The following ANK3 variants were observed in gnomAD, a reference collection of about 807,000 sequenced individuals.
The protein encoded by ANK3 is ankyrin-3.
ANK3 carries 57 observed loss-of-function variants against 370.9 expected under a neutral mutation model. The observed-to-expected ratio is 0.15, with a 90% confidence interval of 0.12 to 0.19. ANK3 has a LOEUF of 0.19. ANK3 is among the 10% of genes least tolerant of loss of function. The pLI is 1.00. For missense variants in ANK3, 4,439 were observed against 5,302.1 expected, an observed-to-expected ratio of 0.84 and a Z score of 5.06; for synonymous variants, 1,929 against 1,946.3, an observed-to-expected ratio of 0.99 and a Z score of 0.23.
intron 7 of ANK3, among the ~76,000 whole-genome samples, chr10:60,244,420 T>A (rs897952492): frequency 2.6e-5 from 4 of 152,192 alleles, no homozygotes; most frequent in Non-Finnish European, 4.4e-5. Flanking sequence ...TTCCTTGACA[T>A]GCTCCCACTG....
intron 2 of ANK3, among the ~76,000 whole-genome samples, chr10:60,395,505 G>A (rs1248516163): frequency 1.3e-5 from 2 of 151,830 alleles, no homozygotes; most frequent in Non-Finnish European, 2.9e-5. Flanking sequence ...GAAGGCAGGT[G>A]TTTCATCAAA....
chr10:60,447,232 G>A (rs2064472126), intron 2 of ANK3, among the ~76,000 whole-genome samples: 1 of 152,108 alleles, frequency 6.6e-6, no homozygotes, highest in African/African-American at 2.4e-5. Context: ...AGAAAAATGA[G>A]GAATTTCATT....
At chr10:60,616,439 G>A (rs1244971844) in intron 1 of ANK3, among the ~76,000 whole-genome samples, 1 of 152,062 alleles carries the variant, frequency 6.6e-6, no homozygotes. Flanking sequence ...CACATATACA[G>A]TGTTTTAAAC....
intron 1 of ANK3, among the ~76,000 whole-genome samples, chr10:60,380,598 T>G (rs930749892): frequency 6.6e-6 from 1 of 152,188 alleles, no homozygotes; most frequent in Non-Finnish European, 1.5e-5. Flanking sequence ...TGTGGTAGAA[T>G]GCCTGGCCCA....
At chr10:60,269,742 T>A (rs2097939115) in intron 5 of ANK3, among the ~76,000 whole-genome samples, 1 of 148,852 alleles carries the variant, frequency 6.7e-6, no homozygotes, top group Non-Finnish European at 1.5e-5. Context: ...TATAATTAGG[T>A]AAACTTAAAT....
intron 2 of ANK3, among the ~76,000 whole-genome samples, chr10:60,600,671 G>A (rs1245184476): frequency 2.0e-5 from 3 of 152,044 alleles, no homozygotes; most frequent in African/African-American, 7.2e-5. Flanking sequence ...TAAATAATCT[G>A]CTAATTGAAT....
chr10:60,492,732 AG>A, intron 2 of ANK3, among the ~76,000 whole-genome samples: 2 of 140,908 alleles, frequency 1.4e-5, no homozygotes, highest in African/African-American at 5.4e-5. Context: ...AAAGAAAGAA[AG>A]AAAGAAAAAA....
chr10:60,519,867 G>C (rs1355057390), intron 2 of ANK3, among the ~76,000 whole-genome samples: 2 of 152,156 alleles, frequency 1.3e-5, no homozygotes, highest in Non-Finnish European at 2.9e-5. Flanking sequence ...GTTTGTATAT[G>C]TGTGCGTATA....
chr10:60,126,653 A>C (rs1590399791), intron 25 of ANK3, among the ~76,000 whole-genome samples: 1 of 151,402 alleles, frequency 6.6e-6, no homozygotes, highest in Non-Finnish European at 1.5e-5. Context: ...ATGCCACTGC[A>C]CTCCAGCCTG....
At chr10:60,384,928 T>C (rs1455140247) in intron 1 of ANK3, among the ~76,000 whole-genome samples, 1 of 152,096 alleles carries the variant, frequency 6.6e-6, no homozygotes, top group South Asian at 2.1e-4. Flanking sequence ...ACACCCCCTC[T>C]CCACTGGCAT....
intron 2 of ANK3, among the ~76,000 whole-genome samples, chr10:60,399,368 T>G (rs1358633244): frequency 1.3e-5 from 2 of 152,284 alleles, no homozygotes; most frequent in East Asian, 3.9e-4. Flanking sequence ...CTTGTTCCCC[T>G]TCTCTCACCC....
chr10:60,525,519 G>T (rs1161295522), intron 2 of ANK3, among the ~76,000 whole-genome samples: 1 of 152,128 alleles, frequency 6.6e-6, no homozygotes, highest in Non-Finnish European at 1.5e-5. Context: ...AAGATATTAA[G>T]TACTTGCTGA....
At position 60,084,624 on chromosome 10, in the gene ANK3, A is replaced by G. The variant is rs1057523750; in HGVS notation, c.4052T>C (p.Val1351Ala). 11 of 1,613,834 alleles carry G rather than the reference A, an allele frequency of 6.8e-6. No individual in the cohort carries two copies. Among genetic ancestry groups the G allele is most frequent in the African/African-American group, 1.3e-5 (1 of 74,920 alleles). ...TLEQQENFEE[V>A]ARSKDIEVLE... is the part of the protein sequence containing the mutation. ...TACCTCAATATCTTTGCTTCTTGCG[A>G]CTTCCTCAAAATTCTCTTGTTGCTC... Residue 1351 changes from valine to alanine, a missense_variant, in exon 32 of 44, where the codon GTC becomes GCC. Physicochemically the swap from Val to Ala is moderately conservative, Grantham distance 64. This residue lies in a region of ANK3 where 702 missense variants were observed against 941.5 expected (regional missense o/e 0.75). Transcript: ENST00000280772.
At chr10:60,511,521 AAAAT>A (rs1219732084) in intron 2 of ANK3, among the ~76,000 whole-genome samples, 1 of 152,188 alleles carries the variant, frequency 6.6e-6, no homozygotes, top group African/African-American at 2.4e-5. Context: ...GGCTAGAGAT[AAAAT>A]AAATACTTAA....
chr10:60,575,969 A>G (rs1358311436), intron 2 of ANK3, among the ~76,000 whole-genome samples: 3 of 152,186 alleles, frequency 2.0e-5, no homozygotes, highest in Admixed American at 6.5e-5. Context: ...TGTGTAAAAG[A>G]GTAATTTGAT....
intron 2 of ANK3, among the ~76,000 whole-genome samples, chr10:60,463,679 T>TAA (rs11374773): frequency 0.066 from 9,674 of 146,204 alleles, 375 homozygotes; most frequent in South Asian, 0.16. Flanking sequence ...CAATCTTGCT[T>TAA]AAAAAAAAAA....
At chr10:60,708,891 A>G (rs1390341103) in intron 1 of ANK3, among the ~76,000 whole-genome samples, 1 of 152,192 alleles carries the variant, frequency 6.6e-6, no homozygotes, top group Admixed American at 6.5e-5. Context: ...GTCTCTAAGG[A>G]AACCTCAAAG....
intron 1 of ANK3, among the ~76,000 whole-genome samples, chr10:60,384,668 C>T (rs2062010175): frequency 6.6e-6 from 1 of 152,174 alleles, no homozygotes; most frequent in Non-Finnish European, 1.5e-5. Context: ...ACTTTCTCTT[C>T]TCAAAGGGTT....
chr10:60,054,629 C>T (rs934272877), intron 42 of ANK3, among the ~76,000 whole-genome samples: 10 of 152,188 alleles, frequency 6.6e-5, no homozygotes, highest in Non-Finnish European at 1.2e-4. Flanking sequence ...GATGTGATTA[C>T]TGATAAGCTG....
Sources: gnomAD v4.1 joint callset for allele counts (sites outside exome capture counted in the v4.1 genomes callset) on GRCh38, gnomAD v4.1.1 for gene constraint, gnomAD v4.1.1 regional missense constraint, MANE v1.5 for transcripts, NCBI Gene and HGNC (gene_info 2026-07-23, HGNC 2026-07-21) for gene names.